AKAP9: variants seen among roughly 807,000 people sequenced by gnomAD.
The protein encoded by AKAP9 is A-kinase anchor protein 9.
In AKAP9, 311 loss-of-function variants were observed where a neutral mutation model predicts 488.5. That is an observed-to-expected ratio of 0.64 (90% CI 0.58 to 0.70). The LOEUF is 0.70. Among genes scored for constraint, AKAP9 ranks in the 30% least tolerant of loss-of-function variants. The pLI, the probability that AKAP9 is intolerant of heterozygous loss-of-function variation, is 0.00. For missense variants in AKAP9, 4,215 were observed against 4,374.5 expected (o/e 0.96, Z 1.03); for synonymous variants, 1,462 against 1,483.5 (o/e 0.99, Z 0.33).
chr7:92,044,828 A>G (rs903848066), intron 20 of AKAP9, among the ~76,000 whole-genome samples, 180 bp from the exon 21 acceptor site: 1 of 152,156 alleles, frequency 6.6e-6, no homozygotes, highest in South Asian at 2.1e-4. Context: ...ATTTTATAAT[A>G]TAGTTACAAA....
chr7:92,004,619 G>A (rs952863211), intron 8 of AKAP9, among the ~76,000 whole-genome samples: 16 of 152,084 alleles, frequency 1.1e-4, no homozygotes, highest in Non-Finnish European at 2.1e-4. Flanking sequence ...CTCTCTGTTC[G>A]TCTGTTGTTG....
chr7:91,951,226 A>G (rs1200226936), intron 1 of AKAP9, among the ~76,000 whole-genome samples: 1 of 151,920 alleles, frequency 6.6e-6, no homozygotes, highest in East Asian at 1.9e-4. Context: ...CTTTTTCTCT[A>G]GGATTTGTAC....
chr7:91,953,668 A>G (rs1458498395), intron 1 of AKAP9, among the ~76,000 whole-genome samples: 5 of 152,224 alleles, frequency 3.3e-5, no homozygotes, highest in Non-Finnish European at 5.9e-5. Flanking sequence ...TATATAGCAG[A>G]AAATGGGATT....
chr7:92,078,111 C>T (rs1262843383), intron 30 of AKAP9, among the ~76,000 whole-genome samples: 1 of 152,046 alleles, frequency 6.6e-6, no homozygotes, highest in South Asian at 2.1e-4. Context: ...ATTCTCCTGC[C>T]TCAGCCTCCC....
chr7:92,010,677 G>C (rs1374945453), intron 8 of AKAP9, among the ~76,000 whole-genome samples: 2 of 152,022 alleles, frequency 1.3e-5, no homozygotes, highest in Non-Finnish European at 2.9e-5. Flanking sequence ...TTTTTTTAGA[G>C]ACAAGTTTTT....
chr7:92,040,915 C>T lies in AKAP9; in HGVS notation c.4917+17C>T. The T allele has an allele frequency of 6.3e-7, 1 of 1,581,538 alleles. No homozygotes were observed. Among genetic ancestry groups the T allele is most frequent in the Non-Finnish European group, 8.6e-7 (1 of 1,158,138 alleles). Reference sequence around the variant, plus strand: ...TTAGCCCAGGTAAGGGTCTTGTAGTCCCCTTTCTCTCCCCAGTTATTTTTT... The same window carrying T: ...TTAGCCCAGGTAAGGGTCTTGTAGTTCCCTTTCTCTCCCCAGTTATTTTTT... On this transcript the variant is annotated intron_variant, in intron 18 of 49. Transcript: ENST00000356239.
At chr7:92,017,914 C>T (rs551381019) in intron 12 of AKAP9, among the ~76,000 whole-genome samples, 2 of 152,258 alleles carry the variant, frequency 1.3e-5, no homozygotes, top group African/African-American at 4.8e-5. Flanking sequence ...AGTAGAATCT[C>T]TTTTGGTTTC....
chr7:92,107,097 A>G (rs1296506800), intron 47 of AKAP9, among the ~76,000 whole-genome samples, 196 bp from the exon 48 acceptor site: 2 of 152,228 alleles, frequency 1.3e-5, no homozygotes, highest in Non-Finnish European at 2.9e-5. Flanking sequence ...ATTCAAAAGT[A>G]AACAAAATAA....
chr7:92,023,508 C>G (rs1802626649), intron 14 of AKAP9, among the ~76,000 whole-genome samples: 1 of 152,094 alleles, frequency 6.6e-6, no homozygotes, highest in Non-Finnish European at 1.5e-5. Flanking sequence ...TCTCTTATAC[C>G]TCTCTTCTAG....
At chr7:92,010,956 A>G (rs1351810024) in intron 8 of AKAP9, among the ~76,000 whole-genome samples, 2 of 152,178 alleles carry the variant, frequency 1.3e-5, no homozygotes, top group Admixed American at 6.5e-5. Flanking sequence ...TCCAGCCCAT[A>G]TAGTCATTTT....
chr7:91,998,214 G>C (rs911559828), intron 7 of AKAP9, among the ~76,000 whole-genome samples: 7 of 152,106 alleles, frequency 4.6e-5, no homozygotes, highest in African/African-American at 1.7e-4. Context: ...ACCTCCTGCT[G>C]TGTGGCCCCA....
intron 2 of AKAP9, 78 bp downstream of exon 2, chr7:91,974,046 C>T (rs996321232): frequency 2.5e-5 from 39 of 1,535,592 alleles, no homozygotes; most frequent in South Asian, 3.4e-5. Context: ...AGCAACTGTG[C>T]GCAATTTGAT....
chr7:92,047,717 A>G (rs1258341114), intron 21 of AKAP9, among the ~76,000 whole-genome samples: 1 of 152,230 alleles, frequency 6.6e-6, no homozygotes, highest in Non-Finnish European at 1.5e-5. Context: ...TAAAACCTTT[A>G]AAATTTTAGT....
rs558742121 is a variant in AKAP9, at chr7:91,995,256, C to T, written c.733-347C>T. Among the ~76,000 whole-genome samples the T allele has an allele frequency of 1.2e-4, 18 of 152,244 alleles. No individual in the cohort carries two copies. The South Asian group carries it at 3.7e-3, about 32-fold the overall frequency. On this transcript the variant is annotated intron_variant, in intron 6 of 49. Transcript: ENST00000356239. ...GAGGTACTTAGTGTAAGGATTCAGG[C>T]TGTTTCCAGAACCCAAGGGCAGAAA...
intron 46 of AKAP9, among the ~76,000 whole-genome samples, chr7:92,103,286 A>C (rs1245436459): frequency 6.8e-6 from 1 of 148,054 alleles, no homozygotes; most frequent in East Asian, 2.1e-4. Flanking sequence ...GCTACTTGGG[A>C]GTCTGAGGCA....
At chr7:92,108,385 T>C (rs1818872770) in intron 48 of AKAP9, 109 bp from the exon 49 acceptor site, 3 of 998,470 alleles carry the variant, frequency 3.0e-6, no homozygotes, top group Non-Finnish European at 4.8e-6. Flanking sequence ...AGATACATTA[T>C]GTGTGTACAA....
At chr7:91,956,921 CTCTT>C (rs1249766439) in intron 1 of AKAP9, among the ~76,000 whole-genome samples, 8 of 152,150 alleles carry the variant, frequency 5.3e-5, no homozygotes, top group Admixed American at 3.9e-4. Flanking sequence ...AGTAGTGCCT[CTCTT>C]TATACAACTG....
chr7:91,987,739 T>G (rs373593059), intron 3 of AKAP9, among the ~76,000 whole-genome samples: 29 of 152,320 alleles, frequency 1.9e-4, no homozygotes, highest in African/African-American at 6.7e-4. Flanking sequence ...TACAGGAGAC[T>G]TCTAAGCCAT....
intron 18 of AKAP9, 102 bp from the exon 19 acceptor site, chr7:92,041,944 C>T: frequency 8.1e-7 from 1 of 1,234,552 alleles, no homozygotes; most frequent in Non-Finnish European, 1.2e-6. Flanking sequence ...TAAGTAGAAC[C>T]AGGGCCTGTT....
Sources: gnomAD v4.1 joint callset for allele counts (sites outside exome capture counted in the v4.1 genomes callset) on GRCh38, gnomAD v4.1.1 for gene constraint, MANE v1.5 for transcripts, NCBI Gene and HGNC (gene_info 2026-07-23, HGNC 2026-07-21) for gene names.